PSD3: variants seen among roughly 807,000 people sequenced by gnomAD.
The protein encoded by PSD3 is pleckstrin and Sec7 domain containing 3.
A neutral mutation model predicts 105.5 loss-of-function variants in PSD3; 49 were observed. The ratio of observed to expected loss-of-function variants is 0.46; its 90% CI spans 0.37 to 0.59. The LOEUF (loss-of-function observed/expected upper bound fraction) is 0.59, where lower values mean the gene tolerates loss of function less well. Ranked by LOEUF, PSD3 falls within the 20% of genes least tolerant of loss-of-function variation. The pLI is 0.00. For missense variants in PSD3, 1,561 were observed against 1,263.8 expected (o/e 1.24, Z -3.57); for synonymous variants, 557 against 457.8 (o/e 1.22, Z -2.77).
intron 15 of PSD3, among the ~76,000 whole-genome samples, chr8:18,555,072 G>A (rs1232201106): frequency 6.6e-6 from 1 of 152,058 alleles, no homozygotes; most frequent in African/African-American, 2.4e-5. Context: ...ACTGGGGGAG[G>A]GGAATCGGGG....
chr8:18,835,918 A>G (rs1249065179), intron 4 of PSD3, among the ~76,000 whole-genome samples: 1 of 151,888 alleles, frequency 6.6e-6, no homozygotes. Flanking sequence ...AGGTCATGGT[A>G]AAGGCTCTGG....
chr8:18,764,188 T>C (rs536350962), intron 9 of PSD3, among the ~76,000 whole-genome samples: 1 of 152,298 alleles, frequency 6.6e-6, no homozygotes, highest in African/African-American at 2.4e-5. Flanking sequence ...CTGACATAAG[T>C]TGATAAAAGC....
At chr8:18,648,724 C>T (rs746865518) in intron 10 of PSD3, among the ~76,000 whole-genome samples, 71 of 152,344 alleles carry the variant, frequency 4.7e-4, no homozygotes, top group Non-Finnish European at 8.2e-4. Flanking sequence ...CCTCCTATCA[C>T]AGGCCTGGAG....
chr8:19,013,854 GA>G (rs1827078310), upstream of PSD3, among the ~76,000 whole-genome samples: 1 of 149,012 alleles, frequency 6.7e-6, no homozygotes, highest in Non-Finnish European at 1.5e-5. Context: ...GGAGGGCGGA[GA>G]GGCGGGGCCG....
At chr8:18,572,801 C>A in intron 13 of PSD3, 129 bp from the exon 14 acceptor site, 1 of 1,027,770 alleles carries the variant, frequency 9.7e-7, no homozygotes, top group South Asian at 1.6e-5. Flanking sequence ...CAACTAATCC[C>A]TGACAAAACT....
At chr8:18,709,025 C>A (rs538620922) in intron 9 of PSD3, among the ~76,000 whole-genome samples, 5 of 152,164 alleles carry the variant, frequency 3.3e-5, no homozygotes, top group Non-Finnish European at 7.3e-5. Context: ...CCTTGGGTCC[C>A]ATGCACAGAG....
At chr8:19,035,808 G>A (rs375882351) in intron 1 of PSD3, among the ~76,000 whole-genome samples, 1 of 152,122 alleles carries the variant, frequency 6.6e-6, no homozygotes, top group Non-Finnish European at 1.5e-5. Flanking sequence ...AGCCTGGAGT[G>A]CTATGACCCG....
At chr8:18,605,159 G>A (rs907414258) in intron 11 of PSD3, among the ~76,000 whole-genome samples, 2 of 152,184 alleles carry the variant, frequency 1.3e-5, no homozygotes, top group Admixed American at 6.5e-5. Context: ...ATATATGCCT[G>A]GAAAAACCGA....
At chr8:19,057,274 G>A (rs1828740029) in intron 1 of PSD3, among the ~76,000 whole-genome samples, 1 of 152,106 alleles carries the variant, frequency 6.6e-6, no homozygotes, top group South Asian at 2.1e-4. Context: ...TTCACTCCAA[G>A]AGTGGTATAC....
intron 12 of PSD3, among the ~76,000 whole-genome samples, chr8:18,589,809 G>A (rs192968121): frequency 6.6e-6 from 1 of 152,266 alleles, no homozygotes; most frequent in East Asian, 1.9e-4. Flanking sequence ...GGAGCTGAAA[G>A]CAAAGGCTGT....
intron 9 of PSD3, among the ~76,000 whole-genome samples, chr8:18,751,214 A>G (rs1242886377): frequency 6.6e-6 from 1 of 152,172 alleles, no homozygotes; most frequent in Non-Finnish European, 1.5e-5. Context: ...GCCCGGCGAG[A>G]AATCGAGCAC....
rs773799446 is a variant in PSD3, at chr8:18,871,888, G to C, written c.976C>G (p.Leu326Val). The change falls in exon 3 of 16, where the codon CTG (leucine) becomes GTG (valine). Residue 326 changes from leucine to valine, a missense_variant. Leu to Val is a conservative substitution (Grantham distance 32). Coordinates refer to ENST00000327040, the MANE Select transcript of PSD3 (RefSeq NM_015310.4). ...CTGTCAGGAGAGGCTGTTCTTTGCA[G>C]TGATGTCTCAAAATCTATAGGATGC... ...TQHPIDFETSLQRTASPDSKE... is the reference protein window; with the variant it reads ...TQHPIDFETSVQRTASPDSKE... 8 of 1,614,104 alleles carry C rather than the reference G, an allele frequency of 5.0e-6. No homozygotes were observed. Among genetic ancestry groups the C allele is most frequent in the Non-Finnish European group, 6.8e-6 (8 of 1,180,034 alleles).
chr8:18,883,341 C>A (rs1818240215), intron 2 of PSD3, among the ~76,000 whole-genome samples: 1 of 152,178 alleles, frequency 6.6e-6, no homozygotes, highest in Non-Finnish European at 1.5e-5. Context: ...AATCTCATTA[C>A]TGCAAAGAGA....
intron 1 of PSD3, among the ~76,000 whole-genome samples, chr8:19,073,955 T>A (rs947823454): frequency 1.3e-5 from 2 of 151,942 alleles, no homozygotes; most frequent in Non-Finnish European, 2.9e-5. Flanking sequence ...CACGCCTGGC[T>A]AATTTTTTGT....
intron 9 of PSD3, among the ~76,000 whole-genome samples, chr8:18,727,259 C>T (rs897337719): frequency 6.7e-6 from 1 of 148,726 alleles, no homozygotes. Flanking sequence ...ATCGATTGAA[C>T]CTGGGAGGCG....
intron 9 of PSD3, among the ~76,000 whole-genome samples, chr8:18,696,919 G>T (rs1453140565): frequency 6.6e-6 from 1 of 152,132 alleles, no homozygotes; most frequent in Non-Finnish European, 1.5e-5. Flanking sequence ...GATGCATCTT[G>T]TTTGCCCCAT....
At chr8:18,800,365 C>A (rs916676845) in intron 7 of PSD3, among the ~76,000 whole-genome samples, 17 of 152,316 alleles carry the variant, frequency 1.1e-4, no homozygotes, top group African/African-American at 4.1e-4. Context: ...GATAAACTAA[C>A]TGTGACTGCA....
chr8:19,017,112 G>A (rs368820289), upstream of PSD3, among the ~76,000 whole-genome samples: 43 of 146,932 alleles, frequency 2.9e-4, no homozygotes, highest in African/African-American at 1.1e-3. Context: ...GAGTACAGTG[G>A]TGCAATCACA....
At chr8:18,893,983 A>G (rs1818983030) in intron 2 of PSD3, among the ~76,000 whole-genome samples, 1 of 152,220 alleles carries the variant, frequency 6.6e-6, no homozygotes, top group Admixed American at 6.5e-5. Flanking sequence ...GCTTGGAAGC[A>G]ATATCTATCA....
Sources: gnomAD v4.1 joint callset for allele counts (sites outside exome capture counted in the v4.1 genomes callset) on GRCh38, gnomAD v4.1.1 for gene constraint, MANE v1.5 for transcripts, NCBI Gene and HGNC (gene_info 2026-07-23, HGNC 2026-07-21) for gene names.